ATP2A1: variants seen among roughly 807,000 people sequenced by gnomAD.
ATP2A1 encodes sarcoplasmic/endoplasmic reticulum calcium ATPase 1.
A neutral mutation model predicts 109.5 loss-of-function variants in ATP2A1; 83 were observed. That is an observed-to-expected ratio of 0.76 (90% CI 0.63 to 0.91). ATP2A1 has a LOEUF of 0.91. Ranked by LOEUF, ATP2A1 falls within the 40% of genes least tolerant of loss-of-function variation. The pLI is 0.00. For synonymous variants in ATP2A1, 505 were observed against 537.6 expected (o/e 0.94, Z 0.84); for missense variants, 1,101 against 1,341.0 (o/e 0.82, Z 2.80).
chr16:28,898,276 T>C lies in ATP2A1; in HGVS notation c.1589T>C (p.Val530Ala). Residue 530 changes from valine to alanine, a missense_variant, in exon 14 of 23, where the codon GTT (valine) becomes GCT (alanine). Physicochemically the swap from Val to Ala is moderately conservative, Grantham distance 64 (BLOSUM62 0). Coordinates refer to ENST00000395503, the MANE Select transcript of ATP2A1 (RefSeq NM_004320.6). This position sits in a 1 kb window ranked among gnomAD's most constrained non-coding sequence, Gnocchi z 4.0. Reference protein sequence around the residue: ...GVIDRCNYVRVGTTRVPLTGP... With the variant: ...GVIDRCNYVRAGTTRVPLTGP... Reference sequence around the variant, plus strand: ...ATCGACCGCTGTAACTATGTGCGAGTTGGCACCACCCGGGTGCCACTGACG... The same window carrying C: ...ATCGACCGCTGTAACTATGTGCGAGCTGGCACCACCCGGGTGCCACTGACG... 6.2e-7 allele frequency: 1 copy of C among 1,614,182 alleles called. No homozygotes were observed. Among genetic ancestry groups the C allele is most frequent in the Non-Finnish European group, 8.5e-7 (1 of 1,180,034 alleles).
intron 4 of ATP2A1, among the ~76,000 whole-genome samples, chr16:28,881,235 C>T (rs1467221145): frequency 6.6e-6 from 1 of 152,176 alleles, no homozygotes; most frequent in Non-Finnish European, 1.5e-5. Context: ...GTTCCTTCAT[C>T]CCTCTGAGCC....
Position 28,882,577 on chromosome 16 carries a change from G to C in ATP2A1, c.451G>C (p.Val151Leu). 6.2e-7 allele frequency: 1 copy of C among 1,614,184 alleles called. No individual in the cohort carries two copies. The highest frequency in any genetic ancestry group is 1.1e-5 in the South Asian group (1 of 91,078). Residue 151 changes from valine to leucine, a missense_variant, in exon 5 of 23, where the codon GTG becomes CTG. Coordinates refer to ENST00000395503, the MANE Select transcript of ATP2A1 (RefSeq NM_004320.6). ...KARDIVPGDI[V>L]EVAVGDKVPA... ...TCGGGACATCGTCCCTGGGGACATC[G>C]TGGAGGTGGCTGGTGAGTGACAGGG...
chr16:28,902,969 C>T lies in ATP2A1; in HGVS notation c.2744+58C>T, dbSNP rs1964129467. The T allele has an allele frequency of 8.1e-6, 13 of 1,613,626 alleles. No homozygotes were observed. Among genetic ancestry groups the T allele is most frequent in the Non-Finnish European group, 1.1e-5 (13 of 1,179,930 alleles). On this transcript the variant is annotated intron_variant, in intron 19 of 22. Transcript: ENST00000395503. The surrounding 1 kb of genome is among the most constrained non-coding windows in gnomAD (Gnocchi z 4.8). Reference sequence around the variant, plus strand: ...CCCTGAGGCCACTGCCCACATCCTCCACTGTGCCGCCCACCTCCTTCCTCC... The same window carrying T: ...CCCTGAGGCCACTGCCCACATCCTCTACTGTGCCGCCCACCTCCTTCCTCC...
chr16:28,880,190 C>T lies in ATP2A1; in HGVS notation c.219+607C>T. 3.2e-6 allele frequency: 3 copies of T among 937,368 alleles called. No individual in the cohort carries two copies. The highest frequency in any genetic ancestry group is 3.8e-6 in the Non-Finnish European group (3 of 782,966). 58.1% of individuals were successfully genotyped at this position (937,368 alleles called of 1,614,324 possible). On this transcript the variant is annotated intron_variant, in intron 3 of 22. Transcript: ENST00000395503. This position sits in a 1 kb window ranked among gnomAD's most constrained non-coding sequence, Gnocchi z 4.2. ...CACCCCCACCCCCGCAGGGCATCTC[C>T]AGGGCTCTGCCTCCTCTCCCGCCCT...
Position 28,902,219 on chromosome 16 carries a change from C to T in ATP2A1, c.2357C>T (p.Ala786Val), listed in dbSNP as rs1266689490. 2 of 1,614,154 alleles carry T rather than the reference C, an allele frequency of 1.2e-6. No homozygotes were observed. Among genetic ancestry groups the T allele is most frequent in the South Asian group, 1.1e-5 (1 of 91,080 alleles). Reference protein sequence around the residue: ...FLTAALGLPEALIPVQLLWVN... With the variant: ...FLTAALGLPEVLIPVQLLWVN... ...ACCGCTGCCCTGGGGCTGCCTGAGG[C>T]CCTGATCCCGGTGCAGCTGCTATGG... The change falls in exon 17 of 23, where the codon GCC becomes GTC. Residue 786 changes from alanine to valine, a missense_variant. By Grantham distance (64) the Ala-to-Val change is moderately conservative (BLOSUM62 0). Transcript: ENST00000395503. This position sits in a 1 kb window ranked among gnomAD's most constrained non-coding sequence, Gnocchi z 4.8.
At chr16:28,900,152 T>G (rs1213170609) in intron 14 of ATP2A1, among the ~76,000 whole-genome samples, 1 of 150,660 alleles carries the variant, frequency 6.6e-6, no homozygotes, top group Non-Finnish European at 1.5e-5. Context: ...AAAAAAAAAA[T>G]TAGCTGGACA....
rs529029739 is a variant in ATP2A1 at position 28,883,073 on chromosome 16, A to G, written c.463+484A>G. 5.3e-5 allele frequency among the ~76,000 whole-genome samples: 8 copies of G among 152,364 alleles called. No individual in the cohort carries two copies. The highest frequency in any genetic ancestry group is 1.9e-4 in the African/African-American group (8 of 41,584). ...CATGTAAGGGAAACTCAGGCCTGGC[A>G]CAGAGCACGCGACCGGGGAGGAGGG... is the stretch of plus-strand genomic sequence containing the variant. On this transcript the variant is annotated intron_variant, in intron 5 of 22. Transcript: ENST00000395503. The surrounding 1 kb of genome is among the most constrained non-coding windows in gnomAD (Gnocchi z 5.2).
Position 28,902,265 on chromosome 16 carries a change from G to A in ATP2A1, c.2403G>A (p.Gly801=), listed in dbSNP as rs574802332. 1.3e-5 allele frequency: 21 copies of A among 1,614,106 alleles called. No individual in the cohort carries two copies. In the Admixed American group the frequency reaches 3.0e-4, roughly 23 times the overall value. The change falls in exon 17 of 23, where the codon GGG becomes GGA. Residue 801 remains glycine (G), a synonymous_variant. Transcript: ENST00000395503. This position sits in a 1 kb window ranked among gnomAD's most constrained non-coding sequence, Gnocchi z 4.8. ...QLLWVNLVTD[G]LPATALGFNP... ...TATGGGTGAACTTGGTGACCGACGG[G>A]CTCCCAGCCACAGCCCTGGGCTTCA...
chr16:28,889,062 G>A, intron 9 of ATP2A1, 109 bp downstream of exon 9: 1 of 1,488,828 alleles, frequency 6.7e-7, no homozygotes, highest in East Asian at 2.3e-5. Context: ...TCTCATCTGG[G>A]CCTGCAAAAT....
In ATP2A1 at chr16:28,900,701, A is replaced by G; in HGVS notation, c.1885A>G (p.Lys629Glu). 1 of 1,614,004 alleles carries G rather than the reference A, an allele frequency of 6.2e-7. No individual in the cohort carries two copies. Among genetic ancestry groups the G allele is most frequent in the Non-Finnish European group, 8.5e-7 (1 of 1,179,916 alleles). ...IRVIMITGDN[K>E]GTAIAICRRI... ...GGTGATCATGATCACTGGGGACAACAAGGGCACAGCCATTGCCATCTGCCG... is the reference window on the plus strand; with the variant it reads ...GGTGATCATGATCACTGGGGACAACGAGGGCACAGCCATTGCCATCTGCCG... The change falls in exon 15 of 23, where the codon AAG becomes GAG. Residue 629 changes from lysine (K) to glutamate (E), a missense_variant. By Grantham distance (56) the Lys-to-Glu change is moderately conservative (BLOSUM62 1). Coordinates refer to ENST00000395503, the MANE Select transcript of ATP2A1 (RefSeq NM_004320.6).
At chr16:28,879,746 C>G (rs896779867) in intron 3 of ATP2A1, 163 bp downstream of exon 3, 33 of 828,714 alleles carry the variant, frequency 4.0e-5, no homozygotes, top group Non-Finnish European at 5.9e-5. Context: ...GCGTCCTCCT[C>G]TCTCCTCCCC....
In ATP2A1 at chr16:28,880,980, C is replaced by T; in HGVS notation, c.285C>T (p.Leu95=). The change falls in exon 4 of 23, where the codon CTC becomes CTT. Residue 95 remains leucine, a synonymous_variant. Coordinates refer to ENST00000395503, the MANE Select transcript of ATP2A1 (RefSeq NM_004320.6). This position sits in a 1 kb window ranked among gnomAD's most constrained non-coding sequence, Gnocchi z 4.2. ...CCTTTGTTGAACCCTTTGTCATCCT[C>T]TTGATCCTCATTGCCAATGCCATCG... ...ITAFVEPFVI[L]LILIANAIVG... The T allele has an allele frequency of 6.2e-7, 1 of 1,614,236 alleles. No homozygotes were observed. The highest frequency in any genetic ancestry group is 8.5e-7 in the Non-Finnish European group (1 of 1,180,038).
chr16:28,890,461 G>T (rs1007325353), intron 9 of ATP2A1, among the ~76,000 whole-genome samples: 5 of 151,802 alleles, frequency 3.3e-5, no homozygotes, highest in African/African-American at 1.2e-4. Context: ...CAGCCTGCAT[G>T]ACAGAGCGAG....
intron 9 of ATP2A1, among the ~76,000 whole-genome samples, chr16:28,889,576 G>A (rs890268215): frequency 6.6e-6 from 1 of 152,142 alleles, no homozygotes; most frequent in African/African-American, 2.4e-5. Context: ...TTTTTTAGAG[G>A]AGGAAAAAGC....
rs768828293 is a variant in ATP2A1 at position 28,883,557 on chromosome 16, A to G, written c.463+968A>G. On this transcript the variant is annotated intron_variant, in intron 5 of 22. Coordinates refer to ENST00000395503, the MANE Select transcript of ATP2A1 (RefSeq NM_004320.6). This position sits in a 1 kb window ranked among gnomAD's most constrained non-coding sequence, Gnocchi z 5.2. ...AGGAAAGCGATTGGACCCTGTCCCC[A>G]GTACCATCCGTGGGACCAGTGCGGA... Among the ~76,000 whole-genome samples, 15 of 152,168 alleles carry G rather than the reference A, an allele frequency of 9.9e-5. No individual in the cohort carries two copies. Among genetic ancestry groups the G allele is most frequent in the Admixed American group, 3.9e-4 (6 of 15,280 alleles).
rs1434948880 is a variant in ATP2A1 at position 28,902,869 on chromosome 16, T to C, written c.2702T>C (p.Leu901Pro). Reference sequence around the variant, plus strand: ...GCCCCCGAGCCCATGACCATGGCCCTGTCCGTGCTGGTGACCATCGAGATG... The same window carrying C: ...GCCCCCGAGCCCATGACCATGGCCCCGTCCGTGCTGGTGACCATCGAGATG... ...FEAPEPMTMA[L>P]SVLVTIEMCN... The change falls in exon 19 of 23, where the codon CTG (leucine) becomes CCG (proline). Residue 901 changes from leucine to proline, a missense_variant. Physicochemically the swap from Leu to Pro is moderately conservative, Grantham distance 98. Transcript: ENST00000395503. This position sits in a 1 kb window ranked among gnomAD's most constrained non-coding sequence, Gnocchi z 4.8. 6 of 1,613,854 alleles carry C rather than the reference T, an allele frequency of 3.7e-6. No homozygotes were observed. The highest frequency in any genetic ancestry group is 5.1e-6 in the Non-Finnish European group (6 of 1,179,970).
At position 28,893,331 on chromosome 16, in the gene ATP2A1, G is replaced by A. The variant is rs191317042; in HGVS notation, c.1096-824G>A. ...TGAGGTGGGAGGATCACTTGAGCCC[G>A]GGAGGTTGAGGCTGCAATGAGCTAT... is the stretch of plus-strand genomic sequence containing the variant. On this transcript the variant is annotated intron_variant, in intron 9 of 22. Transcript: ENST00000395503. Among the ~76,000 whole-genome samples, 18 of 151,852 alleles carry A rather than the reference G, an allele frequency of 1.2e-4. No homozygotes were observed. The East Asian group carries it at 1.9e-3, about 16-fold the overall frequency.
Position 28,885,608 on chromosome 16 carries a change from C to T in ATP2A1, c.544+953C>T, listed in dbSNP as rs188405344. ...CCACCCACCTCAGCCTCCCAAAGTG[C>T]TGGGATTACAGGTGTGAGCCACCCA... On this transcript the variant is annotated intron_variant, in intron 6 of 22. Transcript: ENST00000395503. Among the ~76,000 whole-genome samples the T allele has an allele frequency of 3.9e-5, 6 of 152,090 alleles. No homozygotes were observed. The East Asian group carries it at 1.2e-3, about 30-fold the overall frequency.
At chr16:28,895,073 C>T in intron 12 of ATP2A1, 120 bp downstream of exon 12, 1 of 1,423,330 alleles carries the variant, frequency 7.0e-7, no homozygotes, top group Non-Finnish European at 9.7e-7. Flanking sequence ...ACCCAGGCAG[C>T]AGACAGCCCC....
Sources: allele counts gnomAD v4.1 joint callset (sites outside exome capture counted in the v4.1 genomes callset), GRCh38; gene constraint gnomAD v4.1.1; non-coding constraint Gnocchi (gnomAD v3.1); transcripts MANE v1.5; gene names NCBI Gene and HGNC (gene_info 2026-07-23, HGNC 2026-07-21).